Variants in ARID3B observed in about 807,000 individuals in gnomAD.
ARID3B encodes the protein AT-rich interaction domain 3B.
Under a neutral mutation model 51.9 loss-of-function variants are expected in ARID3B, and 10 were observed. The observed-to-expected ratio is 0.19, with a 90% confidence interval of 0.12 to 0.33. The LOEUF (loss-of-function observed/expected upper bound fraction) is 0.33. Ranked by LOEUF, ARID3B falls within the 10% of genes least tolerant of loss-of-function variation. The pLI, the probability that ARID3B is intolerant of heterozygous loss-of-function variation, is 1.00. For synonymous variants in ARID3B, 205 were observed against 279.5 expected (o/e 0.73, Z 2.66); for missense variants, 483 against 716.3 (o/e 0.67, Z 3.72).
At chr15:74,579,967 G>T (rs554573370) in intron 4 of ARID3B, among the ~76,000 whole-genome samples, 1 of 152,194 alleles carries the variant, frequency 6.6e-6, no homozygotes, top group Admixed American at 6.5e-5. Context: ...AAGGCAGGTG[G>T]ATCACTTGAG....
At chr15:74,569,926 T>A (rs1433242094) in intron 2 of ARID3B, among the ~76,000 whole-genome samples, 1 of 152,210 alleles carries the variant, frequency 6.6e-6, no homozygotes, top group African/African-American at 2.4e-5. Context: ...GCCTTGGAGC[T>A]GGACGAAAGA....
intron 4 of ARID3B, among the ~76,000 whole-genome samples, chr15:74,582,331 C>A (rs1476587921): frequency 6.6e-6 from 1 of 152,078 alleles, no homozygotes; most frequent in Non-Finnish European, 1.5e-5. Flanking sequence ...CCACGTCTGG[C>A]TAATTTTTAT....
chr15:74,545,216 C>T (rs2061611203), intron 2 of ARID3B, among the ~76,000 whole-genome samples: 1 of 152,188 alleles, frequency 6.6e-6, no homozygotes, highest in African/African-American at 2.4e-5. Flanking sequence ...TCTTTAAGGA[C>T]AGTTGGTTGT....
chr15:74,572,978 G>C, intron 3 of ARID3B, 45 bp downstream of exon 3: 1 of 1,608,724 alleles, frequency 6.2e-7, no homozygotes. Context: ...CAGTTCTGCA[G>C]TGGCTTGTTA....
intron 4 of ARID3B, among the ~76,000 whole-genome samples, chr15:74,586,086 A>G (rs943429977): frequency 2.6e-5 from 4 of 152,226 alleles, no homozygotes; most frequent in Admixed American, 1.3e-4. Flanking sequence ...TGATCAGGGC[A>G]TGGGGGCTCG....
intron 2 of ARID3B, among the ~76,000 whole-genome samples, chr15:74,561,357 CATA>C (rs2061679022): frequency 6.6e-6 from 1 of 152,160 alleles, no homozygotes; most frequent in Non-Finnish European, 1.5e-5. Context: ...TTGATGGCTG[CATA>C]ATGTTTTATC....
Position 74,596,646 on chromosome 15 carries a change from T to A in ARID3B, c.*872T>A, listed in dbSNP as rs183868629. The A allele has an allele frequency of 4.3e-6, 1 of 233,812 alleles. No individual in the cohort carries two copies. Among genetic ancestry groups the A allele is most frequent in the Admixed American group, 5.6e-5 (1 of 17,804 alleles). The allele number at this position is 233,812 out of a possible 1,614,324, so 14.5% of individuals were successfully genotyped here. ...CTTCTTCAGCTCAGCCCTCTTCTATTTCTTATGGGGCCATCTTGGCCTCAC... is the reference window on the plus strand; with the variant it reads ...CTTCTTCAGCTCAGCCCTCTTCTATATCTTATGGGGCCATCTTGGCCTCAC... On this transcript the variant is annotated 3_prime_UTR_variant, in exon 9 of 9. Coordinates refer to ENST00000346246, the MANE Select transcript of ARID3B (RefSeq NM_006465.4).
intron 4 of ARID3B, among the ~76,000 whole-genome samples, chr15:74,581,200 G>T (rs1398719990): frequency 1.3e-5 from 2 of 152,236 alleles, no homozygotes; most frequent in Admixed American, 6.5e-5. Context: ...CTTCAAGGCT[G>T]CAAACTGACC....
chr15:74,597,958 C>G lies in ARID3B; in HGVS notation c.*2184C>G. On this transcript the variant is annotated 3_prime_UTR_variant, in exon 9 of 9. Transcript: ENST00000346246. ...CAGGGCAGCTCTGTCCCCTCCTGCT[C>G]TCCATCTTATATGTATTCTAACCAG... The G allele has an allele frequency of 1.9e-6, 1 of 532,648 alleles. No individual in the cohort carries two copies. The allele number at this position is 532,648 out of a possible 1,614,324, so 33.0% of individuals were successfully genotyped here. A position where few individuals can be genotyped will look rare whatever the true frequency, so the allele number is the denominator to read the frequency against.
chr15:74,579,705 G>A (rs1443666473), intron 4 of ARID3B, among the ~76,000 whole-genome samples: 2 of 152,076 alleles, frequency 1.3e-5, no homozygotes, highest in Non-Finnish European at 2.9e-5. Context: ...GCTGACTGAA[G>A]CCAAATTCAA....
rs2061604905 is a variant in ARID3B at position 74,544,043 on chromosome 15, G to A, written c.107G>A (p.Arg36Lys). The A allele has an allele frequency of 1.9e-6, 3 of 1,613,292 alleles. No homozygotes were observed. Among genetic ancestry groups the A allele is most frequent in the Middle Eastern group, 1.7e-4 (1 of 6,058 alleles). Residue 36 changes from arginine to lysine, a missense_variant, in exon 2 of 9, where the codon AGA becomes AAA. Physicochemically the swap from Arg to Lys is conservative, Grantham distance 26 (BLOSUM62 2). This residue lies in a region of ARID3B where 182 missense variants were observed against 244.5 expected (regional missense o/e 0.74). Coordinates refer to ENST00000346246, the MANE Select transcript of ARID3B (RefSeq NM_006465.4). ...DAREKQGQQM[R>K]EAQFLYAQKL... ...AGAGAGAAGCAGGGCCAGCAGATGAGAGAAGCCCAGTTCTTGTATGCCCAA... is the reference window on the plus strand; with the variant it reads ...AGAGAGAAGCAGGGCCAGCAGATGAAAGAAGCCCAGTTCTTGTATGCCCAA...
At chr15:74,582,894 C>G (rs1195224892) in intron 4 of ARID3B, among the ~76,000 whole-genome samples, 1 of 151,980 alleles carries the variant, frequency 6.6e-6, no homozygotes, top group Non-Finnish European at 1.5e-5. Context: ...ACTACACAGC[C>G]GTAGAAAGTT....
In ARID3B at chr15:74,573,148, G is replaced by A; in HGVS notation, c.641G>A (p.Gly214Asp). Reference protein sequence around the residue: ...RDFAKLYELDGDPERKEFLDD... With the variant: ...RDFAKLYELDDDPERKEFLDD... ...GGATTGCAGCTGTATGAACTGGACG[G>A]TGATCCTGAAAGGAAAGAGTTCCTG... The change falls in exon 4 of 9, where the codon GGT becomes GAT. Residue 214 changes from glycine to aspartate, a missense_variant. Gly to Asp is a moderately conservative substitution (Grantham distance 94, BLOSUM62 -1). Around this residue, in one of 3 missense-constraint regions of ARID3B, gnomAD observed 36 missense variants for 117.5 expected, o/e 0.31. Transcript: ENST00000346246. 6.2e-7 allele frequency: 1 copy of A among 1,614,086 alleles called. No homozygotes were observed. The highest frequency in any genetic ancestry group is 2.2e-5 in the East Asian group (1 of 44,886).
Position 74,596,865 on chromosome 15 carries a change from C to G in ARID3B, c.*1091C>G, listed in dbSNP as rs1403904894. 2 of 233,366 alleles carry G rather than the reference C, an allele frequency of 8.6e-6. No homozygotes were observed. The highest frequency in any genetic ancestry group is 4.4e-5 in the African/African-American group (2 of 45,300). 14.5% of individuals were successfully genotyped at this position (233,366 alleles called of 1,614,324 possible). ...AAAACAGATCACCCCCAAAGCCAAGCAAGTGATTGGGTAACCCGGCCCCTC... is the reference window on the plus strand; with the variant it reads ...AAAACAGATCACCCCCAAAGCCAAGGAAGTGATTGGGTAACCCGGCCCCTC... On this transcript the variant is annotated 3_prime_UTR_variant, in exon 9 of 9. Coordinates refer to ENST00000346246, the MANE Select transcript of ARID3B (RefSeq NM_006465.4).
At position 74,546,367 on chromosome 15, in the gene ARID3B, C is replaced by T. The variant is rs544954416; in HGVS notation, c.552+1879C>T. 6.2e-4 allele frequency among the ~76,000 whole-genome samples: 94 copies of T among 152,324 alleles called. 1 individual carries two copies. The highest frequency in any genetic ancestry group is 2.2e-3 in the African/African-American group (91 of 41,558). ...AGGCCCGAGGCGGCTGGGCTGCCCC[C>T]GCCTTGGCAGCTGGCCAGCGTCTGC... On this transcript the variant is annotated intron_variant, in intron 2 of 8. Coordinates refer to ENST00000346246, the MANE Select transcript of ARID3B (RefSeq NM_006465.4).
intron 4 of ARID3B, among the ~76,000 whole-genome samples, chr15:74,583,514 T>C (rs1228939514): frequency 4.0e-5 from 6 of 151,888 alleles, no homozygotes; most frequent in African/African-American, 1.5e-4. Context: ...GGTGAGGAGT[T>C]TGAGACCAGC....
chr15:74,585,547 A>G (rs919343406), intron 4 of ARID3B, among the ~76,000 whole-genome samples: 14 of 152,194 alleles, frequency 9.2e-5, no homozygotes, highest in Admixed American at 6.5e-5. Flanking sequence ...ACAACTGTCA[A>G]TTTTTGTTTA....
chr15:74,558,288 T>G (rs781082643), intron 2 of ARID3B, among the ~76,000 whole-genome samples: 1 of 151,850 alleles, frequency 6.6e-6, no homozygotes, highest in East Asian at 1.9e-4. Flanking sequence ...TAAAATCTTA[T>G]GTATTTATAT....
At chr15:74,545,004 A>G (rs1199521826) in intron 2 of ARID3B, among the ~76,000 whole-genome samples, 3 of 152,118 alleles carry the variant, frequency 2.0e-5, no homozygotes, top group East Asian at 1.9e-4. Context: ...TGTTACTCTT[A>G]ATATAGGTTT....
Sources: allele counts gnomAD v4.1 joint callset (sites outside exome capture counted in the v4.1 genomes callset), GRCh38; gene constraint gnomAD v4.1.1; regional missense constraint gnomAD v4.1.1; transcripts MANE v1.5; gene names NCBI Gene and HGNC (gene_info 2026-07-23, HGNC 2026-07-21).